Variants in ARHGAP44 observed in about 807,000 individuals in gnomAD.
ARHGAP44 encodes the protein rho GTPase-activating protein 44.
A neutral mutation model predicts 106.8 loss-of-function variants in ARHGAP44; 43 were observed. The observed-to-expected ratio is 0.40, with a 90% CI of 0.32 to 0.52. ARHGAP44 has a LOEUF of 0.52. Ranked by LOEUF, ARHGAP44 falls within the 20% of genes least tolerant of loss-of-function variation. The pLI, the probability that ARHGAP44 is intolerant of heterozygous loss-of-function variation, is 0.48. For missense variants in ARHGAP44, 866 were observed against 1,050.5 expected, an observed-to-expected ratio of 0.82 and a Z score of 2.43; for synonymous variants, 439 against 410.3, an observed-to-expected ratio of 1.07 and a Z score of -0.85.
chr17:12,927,996 C>T (rs1327314280), intron 6 of ARHGAP44, among the ~76,000 whole-genome samples: 1 of 152,142 alleles, frequency 6.6e-6, no homozygotes, highest in Non-Finnish European at 1.5e-5. Flanking sequence ...GAGGAACCCA[C>T]TGCTGAGACC....
intron 1 of ARHGAP44, among the ~76,000 whole-genome samples, chr17:12,797,603 ACCCGGGCCATT>A (rs2033963132): frequency 6.6e-6 from 1 of 152,040 alleles, no homozygotes; most frequent in Admixed American, 6.5e-5. Flanking sequence ...CTCAGCTTCA[ACCCGGGCCATT>A]CCTGGGTCTT....
At chr17:12,879,734 A>G (rs1302054528) in intron 1 of ARHGAP44, among the ~76,000 whole-genome samples, 3 of 143,316 alleles carry the variant, frequency 2.1e-5, no homozygotes, top group Non-Finnish European at 4.6e-5. Flanking sequence ...ATATATATAT[A>G]CACACACACA....
intron 1 of ARHGAP44, among the ~76,000 whole-genome samples, chr17:12,829,046 T>C (rs892827541): frequency 3.9e-5 from 6 of 152,210 alleles, no homozygotes; most frequent in African/African-American, 9.7e-5. Flanking sequence ...TTGCAAAGTT[T>C]AGTTGCATTA....
rs761852554 is a variant in ARHGAP44, at chr17:12,908,928, G to A, written c.230G>A (p.Cys77Tyr). The change falls in exon 4 of 21, where the codon TGT (cysteine) becomes TAT (tyrosine). Residue 77 changes from cysteine (C) to tyrosine (Y), a missense_variant. By Grantham distance (194) the Cys-to-Tyr change is radical (BLOSUM62 -2). This residue lies in a region of ARHGAP44 where 448 missense variants were observed against 646.9 expected (regional missense o/e 0.69). Transcript: ENST00000379672. ...TTGCCTTTGACAACACTGGCTCAGT[G>A]TCTGATGGAGGGGTCAGCTATCCTG... ...KKLPLTTLAQ[C>Y]LMEGSAILGD... 2.5e-6 allele frequency: 4 copies of A among 1,603,876 alleles called. No individual in the cohort carries two copies. The African/African-American group carries it at 4.0e-5, about 16-fold the overall frequency.
At chr17:12,950,267 T>C (rs2038961299) in intron 12 of ARHGAP44, among the ~76,000 whole-genome samples, 1 of 152,188 alleles carries the variant, frequency 6.6e-6, no homozygotes, top group South Asian at 2.1e-4. Context: ...ATAGAGTCTT[T>C]ACCCTCATCT....
intron 20 of ARHGAP44, 120 bp downstream of exon 20, chr17:12,985,028 C>A (rs944318521): frequency 1.5e-6 from 2 of 1,306,812 alleles, no homozygotes; most frequent in African/African-American, 1.5e-5. Context: ...GATGACTGGG[C>A]TGGCACCAGG....
At chr17:12,907,366 A>G (rs1034208969) in intron 3 of ARHGAP44, among the ~76,000 whole-genome samples, 3 of 152,168 alleles carry the variant, frequency 2.0e-5, no homozygotes, top group Non-Finnish European at 2.9e-5. Context: ...GTAGCATTTA[A>G]AAGTGTACAG....
At chr17:12,885,656 T>C (rs1306905957) in intron 1 of ARHGAP44, among the ~76,000 whole-genome samples, 2 of 152,210 alleles carry the variant, frequency 1.3e-5, no homozygotes, top group Admixed American at 1.3e-4. Flanking sequence ...TTTCTGCTTA[T>C]CTGTCTTCAT....
At chr17:12,918,354 C>T (rs889629073) in intron 5 of ARHGAP44, among the ~76,000 whole-genome samples, 3 of 152,150 alleles carry the variant, frequency 2.0e-5, no homozygotes, top group South Asian at 2.1e-4. Flanking sequence ...GGATTCTCCT[C>T]GAATTTTTTC....
At chr17:12,805,507 C>T (rs2034246543) in intron 1 of ARHGAP44, among the ~76,000 whole-genome samples, 1 of 152,126 alleles carries the variant, frequency 6.6e-6, no homozygotes, top group Non-Finnish European at 1.5e-5. Context: ...CAAGATTTTT[C>T]TGTACTAACA....
chr17:12,805,378 A>G (rs1445642517), intron 1 of ARHGAP44, among the ~76,000 whole-genome samples: 1 of 152,204 alleles, frequency 6.6e-6, no homozygotes, highest in Non-Finnish European at 1.5e-5. Context: ...AGTGTGAAGA[A>G]GACACTGTAT....
rs913207569 is a variant in ARHGAP44 at position 12,794,636 on chromosome 17, G to A, written c.53+4745G>A. Among the ~76,000 whole-genome samples the A allele has an allele frequency of 5.3e-5, 8 of 152,232 alleles. 1 individual carries two copies. Among genetic ancestry groups the A allele is most frequent in the Admixed American group, 3.9e-4 (6 of 15,298 alleles). ...TCGGGTTGAATTGTGTGGATTTAGA[G>A]GCTATGAGTTGGGGAGTGAAGACAA... On this transcript the variant is annotated intron_variant, in intron 1 of 20. Coordinates refer to ENST00000379672, the MANE Select transcript of ARHGAP44 (RefSeq NM_014859.6).
intron 7 of ARHGAP44, among the ~76,000 whole-genome samples, chr17:12,937,428 C>G (rs982082823): frequency 1.3e-5 from 2 of 152,180 alleles, no homozygotes; most frequent in Non-Finnish European, 2.9e-5. Flanking sequence ...AACTTTCACA[C>G]TTGTCCATGC....
chr17:12,956,288 A>G (rs959635750), intron 14 of ARHGAP44, among the ~76,000 whole-genome samples: 5 of 151,850 alleles, frequency 3.3e-5, no homozygotes, highest in African/African-American at 1.2e-4. Context: ...AAGCTCTTAG[A>G]CTCTGTCATA....
At chr17:12,853,269 C>G (rs1008218914) in intron 1 of ARHGAP44, among the ~76,000 whole-genome samples, 6 of 152,186 alleles carry the variant, frequency 3.9e-5, no homozygotes, top group African/African-American at 1.4e-4. Context: ...CCAGAAGACT[C>G]AGCAAATATC....
intron 8 of ARHGAP44, 56 bp downstream of exon 8, chr17:12,941,180 TG>T: frequency 6.6e-7 from 1 of 1,525,444 alleles, no homozygotes; most frequent in Non-Finnish European, 9.1e-7. Flanking sequence ...GAAGGGAATG[TG>T]GGCATGGAAT....
chr17:12,928,081 A>G (rs1050492763), intron 6 of ARHGAP44, among the ~76,000 whole-genome samples: 4 of 152,186 alleles, frequency 2.6e-5, no homozygotes, highest in African/African-American at 9.7e-5. Flanking sequence ...CCCTGCTGAT[A>G]ACACAGCAGC....
At chr17:12,832,787 G>A (rs958207394) in intron 1 of ARHGAP44, among the ~76,000 whole-genome samples, 1 of 152,160 alleles carries the variant, frequency 6.6e-6, no homozygotes, top group African/African-American at 2.4e-5. Context: ...GCTAGAGTTT[G>A]GTCAAGGAGA....
chr17:12,943,695 G>C, intron 9 of ARHGAP44, 26 bp downstream of exon 9: 1 of 1,610,086 alleles, frequency 6.2e-7, no homozygotes, highest in Non-Finnish European at 8.5e-7. Context: ...CCCTGGAGAA[G>C]GGAGGGCCGG....
Sources: allele counts gnomAD v4.1 joint callset (sites outside exome capture counted in the v4.1 genomes callset), GRCh38; gene constraint gnomAD v4.1.1; regional missense constraint gnomAD v4.1.1; transcripts MANE v1.5; gene names NCBI Gene and HGNC (gene_info 2026-07-23, HGNC 2026-07-21).